The following ROBO1 variants were observed in gnomAD, a reference collection of about 807,000 sequenced individuals.
The protein encoded by ROBO1 is roundabout homolog 1.
In ROBO1, 149 loss-of-function variants were observed where a neutral mutation model predicts 195.9. The ratio of observed to expected loss-of-function variants is 0.76; its 90% confidence interval spans 0.67 to 0.87. ROBO1 has a LOEUF of 0.87. Ranked by LOEUF, ROBO1 falls within the 40% of genes least tolerant of loss-of-function variation. The pLI is 0.00. For synonymous variants in ROBO1, 816 were observed against 733.2 expected (o/e 1.11, Z -1.82); for missense variants, 1,933 against 2,068.3 (o/e 0.93, Z 1.27).
Position 78,714,429 on chromosome 3 carries a change from T to G in ROBO1, c.1013A>C (p.Lys338Thr), listed in dbSNP as rs1204129953. ...YTCVAENMVG[K>T]AEASATLTVQ... ...AGTCAGAGTAGCAGATGCTTCAGCTTTGCCCACCATATTTTCTGCAACACA... is the reference window on the plus strand; with the variant it reads ...AGTCAGAGTAGCAGATGCTTCAGCTGTGCCCACCATATTTTCTGCAACACA... The change falls in exon 8 of 31, where the codon AAA (lysine) becomes ACA (threonine). Residue 338 changes from lysine (K) to threonine (T), a missense_variant. Around this residue, in one of 3 missense-constraint regions of ROBO1, gnomAD observed 1,737 missense variants for 1,882.5 expected, o/e 0.92. Coordinates refer to ENST00000464233, the MANE Select transcript of ROBO1 (RefSeq NM_002941.4). 2 of 1,613,374 alleles carry G rather than the reference T, an allele frequency of 1.2e-6. No homozygotes were observed. The highest frequency in any genetic ancestry group is 2.7e-5 in the African/African-American group (2 of 75,048).
At chr3:79,070,991 A>G (rs371481931) in intron 3 of ROBO1, among the ~76,000 whole-genome samples, 2 of 151,790 alleles carry the variant, frequency 1.3e-5, no homozygotes, top group African/African-American at 4.8e-5. Context: ...TGATGTTTTC[A>G]TATATGTATA....
At chr3:79,162,389 C>T (rs910470016) in intron 2 of ROBO1, among the ~76,000 whole-genome samples, 3 of 152,014 alleles carry the variant, frequency 2.0e-5, no homozygotes, top group Non-Finnish European at 2.9e-5. Context: ...TAAGGTGGAA[C>T]CTACATGTGG....
intron 2 of ROBO1, among the ~76,000 whole-genome samples, chr3:79,205,685 C>T (rs976354827): frequency 1.3e-5 from 2 of 152,130 alleles, no homozygotes; most frequent in African/African-American, 2.4e-5. Context: ...CAGTCATCCC[C>T]TGTGCACAGT....
At chr3:79,310,097 G>T (rs947634470) in intron 2 of ROBO1, among the ~76,000 whole-genome samples, 1 of 152,068 alleles carries the variant, frequency 6.6e-6, no homozygotes, top group East Asian at 1.9e-4. Context: ...AAGGGTAAAG[G>T]TTTTGTATCA....
intron 2 of ROBO1, among the ~76,000 whole-genome samples, chr3:79,228,006 T>C (rs944831669): frequency 7.2e-5 from 11 of 152,268 alleles, no homozygotes; most frequent in African/African-American, 2.6e-4. Flanking sequence ...CCTCAACTAT[T>C]TTGATTAGCT....
At chr3:79,174,144 G>A (rs1360951000) in intron 2 of ROBO1, among the ~76,000 whole-genome samples, 2 of 152,048 alleles carry the variant, frequency 1.3e-5, no homozygotes, top group Non-Finnish European at 2.9e-5. Flanking sequence ...CTTCCACACT[G>A]TGGAAGCTTT....
intron 3 of ROBO1, among the ~76,000 whole-genome samples, chr3:79,052,302 G>A (rs2078716201): frequency 1.3e-5 from 2 of 152,052 alleles, no homozygotes. Context: ...AGGCTTGCTA[G>A]GATTGGGAAA....
At chr3:78,834,611 T>C (rs1057370040) in intron 4 of ROBO1, among the ~76,000 whole-genome samples, 2 of 151,926 alleles carry the variant, frequency 1.3e-5, no homozygotes, top group South Asian at 2.1e-4. Flanking sequence ...ATTATTAACA[T>C]GGAGACAAGC....
chr3:78,837,218 G>A (rs1455417113), intron 4 of ROBO1, among the ~76,000 whole-genome samples: 2 of 152,020 alleles, frequency 1.3e-5, no homozygotes, highest in African/African-American at 4.8e-5. Context: ...TTCAATGTTG[G>A]ATATAACCAT....
At chr3:79,030,911 G>A (rs370768865) in intron 3 of ROBO1, among the ~76,000 whole-genome samples, 1 of 152,052 alleles carries the variant, frequency 6.6e-6, no homozygotes, top group Non-Finnish European at 1.5e-5. Context: ...TAGTAGAGAC[G>A]GGGTTTCTCC....
intron 1 of ROBO1, among the ~76,000 whole-genome samples, chr3:79,621,162 G>C (rs929306039): frequency 2.0e-5 from 3 of 152,126 alleles, no homozygotes; most frequent in African/African-American, 7.2e-5. Flanking sequence ...TACCTGGTCT[G>C]TACTGCTGCA....
intron 4 of ROBO1, among the ~76,000 whole-genome samples, chr3:78,920,624 GTTTT>G (rs34364869): frequency 8.9e-4 from 54 of 60,944 alleles, no homozygotes; most frequent in Admixed American, 3.0e-3. Context: ...CTTTCTTTCA[GTTTT>G]TTTTTTTTTT....
intron 3 of ROBO1, among the ~76,000 whole-genome samples, chr3:78,949,121 A>T (rs1406444188): frequency 7.1e-6 from 1 of 141,096 alleles, no homozygotes; most frequent in Admixed American, 7.2e-5. Context: ...ATCCCCATCA[A>T]GCTACCAATG....
intron 4 of ROBO1, among the ~76,000 whole-genome samples, chr3:78,851,813 A>AAAT (rs1489701130): frequency 7.2e-5 from 11 of 152,268 alleles, no homozygotes; most frequent in South Asian, 2.1e-4. Context: ...TATAATAGGT[A>AAAT]AATCAGTCAT....
At chr3:78,900,709 A>G (rs1029306601) in intron 4 of ROBO1, among the ~76,000 whole-genome samples, 2 of 152,120 alleles carry the variant, frequency 1.3e-5, no homozygotes, top group Non-Finnish European at 2.9e-5. Flanking sequence ...TTGAATACTG[A>G]AAATATTTCC....
chr3:79,045,055 A>G (rs1343874914), intron 3 of ROBO1, among the ~76,000 whole-genome samples: 1 of 152,100 alleles, frequency 6.6e-6, no homozygotes, highest in Non-Finnish European at 1.5e-5. Context: ...TCAGCAAAGA[A>G]TAGTTCTTTG....
intron 1 of ROBO1, among the ~76,000 whole-genome samples, chr3:79,690,961 G>A (rs940032436): frequency 9.9e-5 from 15 of 151,742 alleles, no homozygotes; most frequent in African/African-American, 3.6e-4. Context: ...CAATGTTCCA[G>A]GCACTTTACA....
At chr3:78,659,607 A>G (rs896488815) in intron 17 of ROBO1, 79 bp downstream of exon 17, 88 of 1,154,780 alleles carry the variant, frequency 7.6e-5, no homozygotes, top group Non-Finnish European at 9.7e-5. Flanking sequence ...TCCATAAACA[A>G]ATACCAGCCT....
intron 3 of ROBO1, among the ~76,000 whole-genome samples, chr3:79,082,028 T>C (rs539512291): frequency 6.6e-6 from 1 of 152,154 alleles, no homozygotes; most frequent in Non-Finnish European, 1.5e-5. Flanking sequence ...TCTATTATCA[T>C]TCACTATTAG....
Sources: allele counts gnomAD v4.1 joint callset (sites outside exome capture counted in the v4.1 genomes callset), GRCh38; gene constraint gnomAD v4.1.1; regional missense constraint gnomAD v4.1.1; transcripts MANE v1.5; gene names NCBI Gene and HGNC (gene_info 2026-07-23, HGNC 2026-07-21).